The following CDS1 variants were observed in gnomAD, a reference collection of about 807,000 sequenced individuals.
CDS1 encodes phosphatidate cytidylyltransferase 1.
In CDS1, 41 loss-of-function variants were observed where a neutral mutation model predicts 62.1. The ratio of observed to expected loss-of-function variants is 0.66; its 90% CI spans 0.51 to 0.86. The LOEUF (loss-of-function observed/expected upper bound fraction) is 0.86. Ranked by LOEUF, CDS1 falls within the 40% of genes least tolerant of loss-of-function variation. The pLI is 0.00. For missense variants in CDS1, 470 were observed against 550.1 expected (o/e 0.85, Z 1.46); for synonymous variants, 185 against 192.6 (o/e 0.96, Z 0.32).
rs147326885 is a variant in CDS1 at position 84,631,956 on chromosome 4, C to T, written c.639+79C>T. On this transcript the variant is annotated intron_variant, in intron 6 of 12. Coordinates refer to ENST00000295887, the MANE Select transcript of CDS1 (RefSeq NM_001263.4). Reference sequence around the variant, plus strand: ...TTTTTTTTTCTGTAGTGAGAAGATACAGTCGAATCTGCTAGCTGTTGTTTT... The same window carrying T: ...TTTTTTTTTCTGTAGTGAGAAGATATAGTCGAATCTGCTAGCTGTTGTTTT... 207 of 894,866 alleles carry T rather than the reference C, an allele frequency of 2.3e-4. 3 individuals carry two copies. In the African/African-American group the frequency reaches 3.2e-3, roughly 14 times the overall value. 55.4% of individuals were successfully genotyped at this position (894,866 alleles called of 1,614,324 possible).
chr4:84,603,200 T>C (rs1179505814), intron 1 of CDS1, among the ~76,000 whole-genome samples: 1 of 152,234 alleles, frequency 6.6e-6, no homozygotes, highest in East Asian at 1.9e-4. Flanking sequence ...TGAGTTTGGA[T>C]TGAGAATCCT....
chr4:84,645,634 T>A (rs1038469562), intron 12 of CDS1, among the ~76,000 whole-genome samples: 89 of 152,168 alleles, frequency 5.8e-4, no homozygotes, highest in Admixed American at 5.8e-3. Context: ...GCAATGATCA[T>A]GAATACTAAG....
At chr4:84,586,472 G>T (rs1437986042) in intron 1 of CDS1, among the ~76,000 whole-genome samples, 1 of 152,138 alleles carries the variant, frequency 6.6e-6, no homozygotes, top group Non-Finnish European at 1.5e-5. Context: ...TCCCTCGCAT[G>T]TGCAGTTCAC....
At chr4:84,609,358 C>A in intron 2 of CDS1, 71 bp from the exon 3 acceptor site, 3 of 921,240 alleles carry the variant, frequency 3.3e-6, no homozygotes, top group Non-Finnish European at 3.5e-6. Flanking sequence ...ATAAATCTGG[C>A]AAATCAATAC....
intron 10 of CDS1, 146 bp from the exon 11 acceptor site, chr4:84,642,878 C>T (rs1304890406): frequency 2.6e-5 from 19 of 738,386 alleles, no homozygotes; most frequent in African/African-American, 5.2e-5. Flanking sequence ...ACTTTTCTTC[C>T]TTGATCCTTA....
Position 84,609,443 on chromosome 4 carries a change from G to A in CDS1, c.260G>A (p.Trp87Ter), listed in dbSNP as rs780066791. The stretch of plus-strand genomic sequence containing the variant: ...TTTCTTTGTAGGTGGAAAAACTGGT[G>A]GATACGTGGAATTCTCACTCTAACT... ...SGLSSRWKNW[W>*]IRGILTLTMI... Residue 87 changes from tryptophan to a stop codon, truncating the protein, a stop_gained, in exon 3 of 13, where the codon TGG becomes TAG. Coordinates refer to ENST00000295887, the MANE Select transcript of CDS1 (RefSeq NM_001263.4). LOFTEE classifies it high-confidence loss of function. The A allele has an allele frequency of 6.2e-7, 1 of 1,605,572 alleles. No homozygotes were observed. The highest frequency in any genetic ancestry group is 8.5e-7 in the Non-Finnish European group (1 of 1,172,656).
chr4:84,615,521 C>A (rs1723462947), intron 3 of CDS1, among the ~76,000 whole-genome samples: 3 of 152,168 alleles, frequency 2.0e-5, no homozygotes, highest in African/African-American at 7.2e-5. Context: ...CTTAATACGC[C>A]CCATTCCCTC....
At chr4:84,641,180 C>A (rs925024154) in intron 10 of CDS1, among the ~76,000 whole-genome samples, 190 bp downstream of exon 10, 2 of 152,080 alleles carry the variant, frequency 1.3e-5, no homozygotes, top group Non-Finnish European at 2.9e-5. Context: ...GATTCTTAGG[C>A]CTCAGCCTCC....
intron 1 of CDS1, among the ~76,000 whole-genome samples, chr4:84,592,812 A>G (rs527920758): frequency 7.9e-5 from 12 of 152,278 alleles, no homozygotes; most frequent in East Asian, 7.8e-4. Flanking sequence ...CCCATGGCCA[A>G]CTATTTAAGA....
intron 3 of CDS1, among the ~76,000 whole-genome samples, chr4:84,616,139 C>A (rs1723485783): frequency 6.6e-6 from 1 of 152,144 alleles, no homozygotes; most frequent in Non-Finnish European, 1.5e-5. Context: ...CTTTGCTTTA[C>A]CGTTTTATCT....
At chr4:84,603,427 G>GTA (rs1442629322) in intron 1 of CDS1, among the ~76,000 whole-genome samples, 5 of 152,212 alleles carry the variant, frequency 3.3e-5, no homozygotes, top group African/African-American at 1.2e-4. Flanking sequence ...GATGGAAAGG[G>GTA]TAGGGCCTGA....
At position 84,640,981 on chromosome 4, in the gene CDS1, C is replaced by T. The variant is rs746264677; in HGVS notation, c.1023C>T (p.Val341=). The T allele has an allele frequency of 6.3e-7, 1 of 1,588,744 alleles. No homozygotes were observed. Among genetic ancestry groups the T allele is most frequent in the Non-Finnish European group, 8.6e-7 (1 of 1,168,900 alleles). Residue 341 remains valine (V), a synonymous_variant, in exon 10 of 13, where the codon GTC becomes GTT. Transcript: ENST00000295887. ...CACTTCCACCCTTTCTAAAGGCAGT[C>T]TTGAGACAGGTACAGTAAAAGTTCA... is the stretch of plus-strand genomic sequence containing the variant. ...TYSLPPFLKA[V]LRQERVSLYP...
At chr4:84,644,846 A>G (rs1156925366) in intron 11 of CDS1, among the ~76,000 whole-genome samples, 1 of 152,246 alleles carries the variant, frequency 6.6e-6, no homozygotes, top group Non-Finnish European at 1.5e-5. Flanking sequence ...ATCTTTTAGC[A>G]GCACTAAAAT....
At chr4:84,586,130 T>C (rs192500343) in intron 1 of CDS1, among the ~76,000 whole-genome samples, 1 of 152,204 alleles carries the variant, frequency 6.6e-6, no homozygotes, top group East Asian at 1.9e-4. Context: ...ATAATGAAGG[T>C]CCTGAGAGCA....
At chr4:84,609,306 A>G (rs1407448473) in intron 2 of CDS1, 123 bp from the exon 3 acceptor site, 9 of 564,712 alleles carry the variant, frequency 1.6e-5, no homozygotes, top group Non-Finnish European at 3.2e-6. Context: ...GTTGTTTGTT[A>G]TATAAAGTGA....
Position 84,645,221 on chromosome 4 carries a change from G to A in CDS1, c.1153-1G>A, listed in dbSNP as rs867388541. 6.3e-7 allele frequency: 1 copy of A among 1,597,860 alleles called. No individual in the cohort carries two copies. The highest frequency in any genetic ancestry group is 1.7e-5 in the Admixed American group (1 of 59,398). On this transcript the variant is annotated splice_acceptor_variant, in intron 11 of 12. Coordinates refer to ENST00000295887, the MANE Select transcript of CDS1 (RefSeq NM_001263.4). LOFTEE classifies it high-confidence loss of function. The stretch of plus-strand genomic sequence containing the variant: ...GCTAATATATTTGTTTGTTTCTAAA[G>A]GATTTTGCAAATACCATTCCTGGAC...
At chr4:84,606,878 G>T (rs2110049347) in intron 2 of CDS1, among the ~76,000 whole-genome samples, 1 of 152,154 alleles carries the variant, frequency 6.6e-6, no homozygotes, top group South Asian at 2.1e-4. Flanking sequence ...ACAGGATTTT[G>T]CCTTGGCTTG....
chr4:84,598,342 T>C (rs983789496), intron 1 of CDS1, among the ~76,000 whole-genome samples: 9 of 151,812 alleles, frequency 5.9e-5, no homozygotes, highest in Non-Finnish European at 1.3e-4. Flanking sequence ...CAGGGATCAG[T>C]GTCCACATCA....
Position 84,635,255 on chromosome 4 carries a change from T to TA in CDS1, c.723-4dup, listed in dbSNP as rs748866234. ...TTCTGCTGACTTTTTTTTTTTTTTT[T>TA]AAAAACAGGTTCCTTGTTCCAATAT... On this transcript the variant is annotated splice_polypyrimidine_tract_variant and intron_variant, in intron 7 of 12. Coordinates refer to ENST00000295887, the MANE Select transcript of CDS1 (RefSeq NM_001263.4). 223 of 1,301,532 alleles carry TA rather than the reference T, an allele frequency of 1.7e-4. No homozygotes were observed. Among genetic ancestry groups the TA allele is most frequent in the African/African-American group, 1.3e-3 (87 of 65,294 alleles). 80.6% of individuals were successfully genotyped at this position (1,301,532 alleles called of 1,614,324 possible).
Sources: gnomAD v4.1 joint callset for allele counts (sites outside exome capture counted in the v4.1 genomes callset) on GRCh38, gnomAD v4.1.1 for gene constraint, MANE v1.5 for transcripts, NCBI Gene and HGNC (gene_info 2026-07-23, HGNC 2026-07-21) for gene names.